NRG1: variants seen among roughly 807,000 people sequenced by gnomAD.
NRG1 encodes pro-neuregulin-1, membrane-bound isoform.
A neutral mutation model predicts 63.8 loss-of-function variants in NRG1; 18 were observed. That is an observed-to-expected ratio of 0.28 (90% confidence interval 0.19 to 0.42). The LOEUF (loss-of-function observed/expected upper bound fraction) is 0.42. Among genes scored for constraint, NRG1 ranks in the 10% least tolerant of loss-of-function variants. NRG1 has a pLI of 1.00. For synonymous variants in NRG1, 302 were observed against 301.3 expected, an observed-to-expected ratio of 1.00 and a Z score of -0.02; for missense variants, 762 against 814.7, an observed-to-expected ratio of 0.94 and a Z score of 0.79.
chr8:31,985,261 T>G (rs1809860828), intron 1 of NRG1, among the ~76,000 whole-genome samples: 1 of 152,098 alleles, frequency 6.6e-6, no homozygotes, highest in South Asian at 2.1e-4. Flanking sequence ...GACCAAGCAC[T>G]TAAGAATTCT....
chr8:32,561,863 G>A (rs574908323), intron 1 of NRG1, among the ~76,000 whole-genome samples: 14 of 151,624 alleles, frequency 9.2e-5, no homozygotes, highest in African/African-American at 3.1e-4. Context: ...GGGGGTGGGG[G>A]GTGGAGGAGC....
At chr8:32,296,553 G>T (rs1425211072) in intron 1 of NRG1, among the ~76,000 whole-genome samples, 1 of 149,954 alleles carries the variant, frequency 6.7e-6, no homozygotes. Context: ...AGTGGAGGTT[G>T]CAATGAGCCA....
intron 1 of NRG1, among the ~76,000 whole-genome samples, chr8:31,839,753 A>C (rs1826013991): frequency 6.6e-6 from 1 of 152,194 alleles, no homozygotes. Flanking sequence ...AAAACATAGA[A>C]GTACTTGGTG....
chr8:32,615,893 CA>C (rs1470784421), intron 4 of NRG1, among the ~76,000 whole-genome samples: 1 of 148,974 alleles, frequency 6.7e-6, no homozygotes, highest in East Asian at 1.9e-4. Context: ...GAAAAAAAAT[CA>C]CATATTCTAA....
intron 1 of NRG1, among the ~76,000 whole-genome samples, chr8:32,007,051 C>T (rs1302707805): frequency 6.6e-6 from 1 of 152,058 alleles, no homozygotes; most frequent in Non-Finnish European, 1.5e-5. Context: ...TTTTTCCTCA[C>T]ATCCCACTGA....
intron 1 of NRG1, among the ~76,000 whole-genome samples, chr8:32,118,555 A>G (rs1833038873): frequency 6.6e-6 from 1 of 152,170 alleles, no homozygotes. Flanking sequence ...ATTCTTTTAT[A>G]GCAATACAAA....
intron 1 of NRG1, among the ~76,000 whole-genome samples, chr8:32,589,665 T>C (rs949676589): frequency 1.3e-5 from 2 of 152,194 alleles, no homozygotes; most frequent in South Asian, 2.1e-4. Context: ...ACTTACCTAG[T>C]GTCACATGCC....
In NRG1 at chr8:32,254,156, A is replaced by AT. The variant is rs1849427029; in HGVS notation, c.38-341666dup. Among the ~76,000 whole-genome samples, 3 of 151,858 alleles carry AT rather than the reference A, an allele frequency of 2.0e-5. No homozygotes were observed. The South Asian group carries it at 6.2e-4, about 32-fold the overall frequency. ...AAAAAACCAGCTCTTGGATTCATTGATTTTTTAAAGGGTTTTTCATGTCTC... is the reference window on the plus strand; with the variant it reads ...AAAAAACCAGCTCTTGGATTCATTGATTTTTTTAAAGGGTTTTTCATGTCTC... On this transcript the variant is annotated intron_variant, in intron 1 of 10. Coordinates refer to the NRG1 transcript ENST00000519301.
chr8:31,995,526 G>C (rs1276612421), intron 1 of NRG1, among the ~76,000 whole-genome samples: 2 of 151,952 alleles, frequency 1.3e-5, no homozygotes, highest in African/African-American at 4.8e-5. Context: ...AGCTGGACTG[G>C]ACTGCCACTC....
intron 1 of NRG1, among the ~76,000 whole-genome samples, chr8:31,917,062 T>C (rs1183157397): frequency 1.3e-5 from 2 of 150,520 alleles, no homozygotes; most frequent in African/African-American, 2.5e-5. Context: ...GTTTGTTTTT[T>C]TCTTGTAAAT....
At chr8:32,756,520 G>T in exon 9 of NRG1, 2 of 1,611,620 alleles carry the variant, frequency 1.2e-6, no homozygotes, top group Non-Finnish European at 1.7e-6. Context: ...AGAATGTCCA[G>T]CTGGTGAATG....
At chr8:32,649,624 A>G (rs1334734349) in intron 5 of NRG1, among the ~76,000 whole-genome samples, 1 of 152,228 alleles carries the variant, frequency 6.6e-6, no homozygotes, top group Non-Finnish European at 1.5e-5. Context: ...GAAGTAGTGC[A>G]GCATGCTGTA....
At chr8:32,221,209 T>C (rs1845779628) in intron 1 of NRG1, 1 of 152,162 alleles carries the variant, frequency 6.6e-6, no homozygotes, top group South Asian at 2.1e-4. Flanking sequence ...AAAATTGGGA[T>C]AGAAATCTCA....
At chr8:32,251,809 A>C (rs1012466721) in intron 1 of NRG1, among the ~76,000 whole-genome samples, 8 of 152,002 alleles carry the variant, frequency 5.3e-5, no homozygotes, top group Non-Finnish European at 1.2e-4. Flanking sequence ...ACCAGTGATG[A>C]TGAGTTGCGT....
At chr8:31,899,648 T>C (rs1831906600) in intron 1 of NRG1, among the ~76,000 whole-genome samples, 1 of 152,200 alleles carries the variant, frequency 6.6e-6, no homozygotes, top group African/African-American at 2.4e-5. Context: ...CAGCCTATAC[T>C]TGGCTACATT....
chr8:31,903,950 T>C (rs984281689), intron 1 of NRG1, among the ~76,000 whole-genome samples: 3 of 152,036 alleles, frequency 2.0e-5, no homozygotes, highest in Non-Finnish European at 4.4e-5. Flanking sequence ...AAACTCTGTC[T>C]CAAAACAAAA....
intron 1 of NRG1, among the ~76,000 whole-genome samples, chr8:32,085,488 A>G (rs1437013464): frequency 6.6e-6 from 1 of 152,186 alleles, no homozygotes; most frequent in Non-Finnish European, 1.5e-5. Flanking sequence ...CTCTAACATG[A>G]ATGCTATCTT....
At chr8:32,302,950 G>A (rs1216258173) in intron 1 of NRG1, among the ~76,000 whole-genome samples, 1 of 152,160 alleles carries the variant, frequency 6.6e-6, no homozygotes, top group Non-Finnish European at 1.5e-5. Context: ...CGGAGGCCGA[G>A]GAGGGCGGAT....
intron 1 of NRG1, among the ~76,000 whole-genome samples, chr8:31,873,879 C>T (rs1829699479): frequency 1.3e-5 from 2 of 152,128 alleles, no homozygotes; most frequent in African/African-American, 4.8e-5. Flanking sequence ...AATGGTATTT[C>T]CATTTTTAAA....
Sources: gnomAD v4.1 joint callset for allele counts (sites outside exome capture counted in the v4.1 genomes callset) on GRCh38, gnomAD v4.1.1 for gene constraint, MANE v1.5 for transcripts, NCBI Gene and HGNC (gene_info 2026-07-23, HGNC 2026-07-21) for gene names.